The following ZEB2 variants were observed in gnomAD, a reference collection of about 807,000 sequenced individuals.
ZEB2 encodes the protein zinc finger E-box binding homeobox 2.
ZEB2 carries 6 observed loss-of-function variants against 99.9 expected under a neutral mutation model. That is an observed-to-expected ratio of 0.06 (90% CI 0.03 to 0.12). ZEB2 has a LOEUF of 0.12. Ranked by LOEUF, ZEB2 falls within the 10% of genes least tolerant of loss-of-function variation. ZEB2 has a pLI of 1.00. For missense variants in ZEB2, 969 were observed against 1,502.8 expected (o/e 0.64, Z 5.87); for synonymous variants, 517 against 542.5 (o/e 0.95, Z 0.65).
intron 2 of ZEB2, among the ~76,000 whole-genome samples, chr2:144,469,739 T>C (rs1704329533): frequency 6.6e-6 from 1 of 152,178 alleles, no homozygotes; most frequent in Non-Finnish European, 1.5e-5. Context: ...ATTAATTTGC[T>C]CTTTGGCTTT....
At chr2:144,489,391 T>C (rs1227463344) in intron 2 of ZEB2, among the ~76,000 whole-genome samples, 1 of 152,170 alleles carries the variant, frequency 6.6e-6, no homozygotes, top group African/African-American at 2.4e-5. Flanking sequence ...TATTAGCTCT[T>C]TTCCCTAAGC....
At chr2:144,439,646 T>C (rs1703880796) in intron 2 of ZEB2, among the ~76,000 whole-genome samples, 1 of 152,212 alleles carries the variant, frequency 6.6e-6, no homozygotes, top group Non-Finnish European at 1.5e-5. Flanking sequence ...ATAAAATTGT[T>C]ACAGTTCTAG....
intron 4 of ZEB2, among the ~76,000 whole-genome samples, chr2:144,414,996 CTTT>C (rs1389096996): frequency 7.3e-6 from 1 of 137,396 alleles, no homozygotes; most frequent in African/African-American, 2.9e-5. Context: ...AAAATTTTTA[CTTT>C]TTTTCTTTTT....
rs958233026 is a variant in ZEB2, at chr2:144,427,480, C to T, written c.331+2289G>A. On this transcript the variant is annotated intron_variant, in intron 3 of 9. Coordinates refer to ENST00000627532, the MANE Select transcript of ZEB2 (RefSeq NM_014795.4). ...GGTATGACTGTAGACAGCCAGGCAC[C>T]GGGGATAAAACACTACTAAATAAAA... 12 of 152,130 alleles carry T rather than the reference C, an allele frequency of 7.9e-5. No individual in the cohort carries two copies. The South Asian group carries it at 8.3e-4, about 11-fold the overall frequency. 9.4% of individuals were successfully genotyped at this position (152,130 alleles called of 1,614,324 possible). A position where few individuals can be genotyped will look rare whatever the true frequency, so the allele number is the denominator to read the frequency against.
At chr2:144,475,215 T>C (rs1008586025) in intron 2 of ZEB2, among the ~76,000 whole-genome samples, 1 of 152,182 alleles carries the variant, frequency 6.6e-6, no homozygotes, top group Non-Finnish European at 1.5e-5. Context: ...CGTTCTCACA[T>C]AGGCCTGAAA....
At position 144,399,282 on chromosome 2, in the gene ZEB2, G is replaced by A. The variant is rs1188397889; in HGVS notation, c.1905C>T (p.Leu635=). The part of the protein sequence containing the change: ...AGVFVDNKAL[L]LSSVLSEKGM... The stretch of plus-strand genomic sequence containing the variant: ...CTTTCTCAGAAAGTACAGATGACAA[G>A]AGGAGGGCTTTATTATCAACAAAAA... The change falls in exon 8 of 10, where the codon CTC becomes CTT. Residue 635 remains leucine (L), a synonymous_variant. Transcript: ENST00000627532. The surrounding 1 kb of genome is among the most constrained non-coding windows in gnomAD (Gnocchi z 5.6). 3.7e-6 allele frequency: 6 copies of A among 1,614,172 alleles called. No homozygotes were observed. Among genetic ancestry groups the A allele is most frequent in the South Asian group, 1.1e-5 (1 of 91,082 alleles).
intron 2 of ZEB2, among the ~76,000 whole-genome samples, chr2:144,474,927 C>G (rs1304643158): frequency 6.6e-6 from 1 of 152,122 alleles, no homozygotes; most frequent in Non-Finnish European, 1.5e-5. Flanking sequence ...TACTTTCTTA[C>G]TTGAAAGGAA....
chr2:144,486,445 T>C (rs1407648161), intron 2 of ZEB2, among the ~76,000 whole-genome samples: 1 of 152,056 alleles, frequency 6.6e-6, no homozygotes, highest in Admixed American at 6.5e-5. Flanking sequence ...GTCATTCAAG[T>C]GGAACTCGGC....
At chr2:144,452,352 A>G (rs1446543275) in intron 2 of ZEB2, among the ~76,000 whole-genome samples, 2 of 152,160 alleles carry the variant, frequency 1.3e-5, no homozygotes, top group African/African-American at 2.4e-5. Flanking sequence ...CTTAATGCCA[A>G]GAAGAAGAGG....
At chr2:144,445,167 C>T (rs1560627218) in intron 2 of ZEB2, 1 of 151,896 alleles carries the variant, frequency 6.6e-6, no homozygotes, top group Non-Finnish European at 1.5e-5. Flanking sequence ...TGGAGAAGAC[C>T]CCTTATTTAT....
chr2:144,513,815 G>T (rs954849151), intron 2 of ZEB2: 3 of 1,535,926 alleles, frequency 2.0e-6, no homozygotes, highest in East Asian at 2.4e-5. Flanking sequence ...GAGATAGTGG[G>T]GTATAATCAG....
intron 2 of ZEB2, among the ~76,000 whole-genome samples, chr2:144,515,367 A>C (rs1409759146): frequency 6.6e-6 from 1 of 152,174 alleles, no homozygotes; most frequent in East Asian, 1.9e-4. Flanking sequence ...ATTTAATAAA[A>C]GGAACAGAGG....
chr2:144,464,226 T>C (rs1045710262), intron 2 of ZEB2: 4 of 152,146 alleles, frequency 2.6e-5, no homozygotes, highest in Admixed American at 2.0e-4. Context: ...GGCGTAAATG[T>C]TTTGAGGAAA....
intron 3 of ZEB2, chr2:144,428,792 G>A (rs1218575330): frequency 6.6e-6 from 1 of 152,108 alleles, no homozygotes; most frequent in Non-Finnish European, 1.5e-5. Flanking sequence ...CATATAGGTA[G>A]ACTCCTTCCC....
At chr2:144,422,800 C>CAAACA (rs1703637618) in intron 4 of ZEB2, among the ~76,000 whole-genome samples, 2 of 150,750 alleles carry the variant, frequency 1.3e-5, no homozygotes, top group South Asian at 2.1e-4. Flanking sequence ...ACTCTTGTCT[C>CAAACA]AAACAAAACA....
At chr2:144,428,474 T>C (rs1703718259) in intron 3 of ZEB2, 2 of 152,294 alleles carry the variant, frequency 1.3e-5, no homozygotes, top group African/African-American at 4.8e-5. Flanking sequence ...CCCTCATAGT[T>C]GAAAATCTAA....
chr2:144,435,925 C>CT (rs34346875), intron 2 of ZEB2, among the ~76,000 whole-genome samples: 8,981 of 143,138 alleles, frequency 0.063, 323 homozygotes, highest in Middle Eastern at 0.097. Flanking sequence ...TTATCATTGA[C>CT]TTTTTTTTTT....
chr2:144,517,874 C>A (rs1410891336), intron 1 of ZEB2: 2 of 519,356 alleles, frequency 3.9e-6, no homozygotes, highest in South Asian at 2.2e-5. Context: ...ACAAACAACG[C>A]GAAACAGCCC....
Position 144,399,025 on chromosome 2 carries a change from G to T in ZEB2, c.2162C>A (p.Pro721His). 6.2e-7 allele frequency: 1 copy of T among 1,614,112 alleles called. No individual in the cohort carries two copies. Among genetic ancestry groups the T allele is most frequent in the South Asian group, 1.1e-5 (1 of 91,088 alleles). The change falls in exon 8 of 10, where the codon CCT (proline) becomes CAT (histidine). Residue 721 changes from proline to histidine, a missense_variant. Pro to His is a moderately conservative substitution (Grantham distance 77). This residue lies in a region of ZEB2 where 346 missense variants were observed against 460.0 expected (regional missense o/e 0.75). Transcript: ENST00000627532. The surrounding 1 kb of genome is among the most constrained non-coding windows in gnomAD (Gnocchi z 5.6). ...SSKPLAPNSNPPTKDSLLPRS... is the reference protein window; with the variant it reads ...SSKPLAPNSNHPTKDSLLPRS... Reference sequence around the variant, plus strand: ...GGGTAATAAAGAGTCTTTTGTGGGAGGGTTACTGTTGGGAGCTAACGGCTT... The same window carrying T: ...GGGTAATAAAGAGTCTTTTGTGGGATGGTTACTGTTGGGAGCTAACGGCTT...
Sources: gnomAD v4.1 joint callset for allele counts (sites outside exome capture counted in the v4.1 genomes callset) on GRCh38, gnomAD v4.1.1 for gene constraint, gnomAD v4.1.1 regional missense constraint, Gnocchi (gnomAD v3.1) non-coding constraint, MANE v1.5 for transcripts, NCBI Gene and HGNC (gene_info 2026-07-23, HGNC 2026-07-21) for gene names.